Variants in EYS observed in about 807,000 individuals in gnomAD.
EYS encodes EGF-like photoreceptor maintenance factor.
EYS carries 250 observed loss-of-function variants against 282.1 expected under a neutral mutation model. The observed-to-expected ratio is 0.89, with a 90% CI of 0.80 to 0.98. The LOEUF is 0.98. Ranked by LOEUF, EYS falls within the 50% of genes least tolerant of loss-of-function variation. EYS has a pLI of 0.00. For synonymous variants in EYS, 1,355 were observed against 1,282.9 expected (o/e 1.06, Z -1.20); for missense variants, 4,016 against 3,709.0 (o/e 1.08, Z -2.15).
At chr6:64,800,180 A>T (rs2172889) in intron 22 of EYS, among the ~76,000 whole-genome samples, 81,582 of 151,800 alleles carry the variant, frequency 0.54, 22,309 homozygotes, top group Admixed American at 0.65. Flanking sequence ...TGCTAAAGAA[A>T]TAAAGTATGC....
At chr6:64,686,325 A>C (rs975789228) in intron 22 of EYS, among the ~76,000 whole-genome samples, 1 of 152,056 alleles carries the variant, frequency 6.6e-6, no homozygotes, top group African/African-American at 2.4e-5. Context: ...TATAAATAAA[A>C]ATGTTGATTT....
At chr6:65,286,945 G>A (rs1390047257) in intron 12 of EYS, among the ~76,000 whole-genome samples, 1 of 151,446 alleles carries the variant, frequency 6.6e-6, no homozygotes, top group East Asian at 1.9e-4. Context: ...ATGGGAATGT[G>A]TAAGAAAATT....
At chr6:64,170,234 TA>T (rs143645219) in intron 31 of EYS, among the ~76,000 whole-genome samples, 2,938 of 152,128 alleles carry the variant, frequency 0.019, 87 homozygotes, top group African/African-American at 0.067. Flanking sequence ...TAACAGAAAA[TA>T]AAAAAATCTT....
intron 2 of EYS, among the ~76,000 whole-genome samples, chr6:65,627,460 G>A (rs548155360): frequency 6.6e-6 from 1 of 152,278 alleles, no homozygotes; most frequent in East Asian, 1.9e-4. Context: ...CCGCTGCACT[G>A]TGGGAGCCCC....
At chr6:64,922,561 A>G (rs1768381105) in intron 15 of EYS, among the ~76,000 whole-genome samples, 2 of 152,344 alleles carry the variant, frequency 1.3e-5, no homozygotes, top group South Asian at 4.1e-4. Flanking sequence ...GACTCAGGAT[A>G]TATATTAGTT....
At chr6:64,541,089 G>T (rs1463321881) in intron 26 of EYS, among the ~76,000 whole-genome samples, 4 of 152,090 alleles carry the variant, frequency 2.6e-5, no homozygotes, top group Admixed American at 2.6e-4. Flanking sequence ...CTTGCAAATT[G>T]AAAATGCCTA....
At chr6:64,267,951 T>C (rs935369046) in intron 30 of EYS, among the ~76,000 whole-genome samples, 3 of 152,140 alleles carry the variant, frequency 2.0e-5, no homozygotes, top group Non-Finnish European at 4.4e-5. Flanking sequence ...CACCCTTTTT[T>C]TGAAATTTGG....
intron 26 of EYS, among the ~76,000 whole-genome samples, chr6:64,463,141 T>A (rs4112814): frequency 1.3e-5 from 2 of 151,494 alleles, no homozygotes; most frequent in African/African-American, 4.8e-5. Flanking sequence ...TTACTAGAGA[T>A]GGGGTTTCAC....
rs115150543 is a variant in EYS, at chr6:65,503,035, A to G, written c.-332-7042T>C. ...TAAACTATACTTAGTTTTGGAAGAA[A>G]CCATTAAACTGTTTTCCAAAGTGGT... On this transcript the variant is annotated intron_variant, in intron 2 of 42. Coordinates refer to ENST00000503581, the MANE Select transcript of EYS (RefSeq NM_001142800.2). 4.7e-3 allele frequency among the ~76,000 whole-genome samples: 715 copies of G among 151,776 alleles called. 5 individuals carry two copies. The highest frequency in any genetic ancestry group is 7.7e-3 in the Non-Finnish European group (519 of 67,664).
Position 65,408,156 on chromosome 6 carries a change from G to GA in EYS, c.863-2790dup, listed in dbSNP as rs200858496. ...GAAAAAATCGTACTTTATCAGGATA[G>GA]AAAAAAATATGTTTATATGTGATTG... On this transcript the variant is annotated intron_variant, in intron 5 of 42. Coordinates refer to ENST00000503581, the MANE Select transcript of EYS (RefSeq NM_001142800.2). 5.4e-3 allele frequency among the ~76,000 whole-genome samples: 815 copies of GA among 151,982 alleles called. 8 individuals carry two copies. Among genetic ancestry groups the GA allele is most frequent in the African/African-American group, 0.019 (776 of 41,476 alleles).
At chr6:65,588,555 T>C (rs1765130696) in intron 2 of EYS, among the ~76,000 whole-genome samples, 1 of 145,208 alleles carries the variant, frequency 6.9e-6, no homozygotes, top group Non-Finnish European at 1.5e-5. Context: ...CCTGTCCATA[T>C]CGTGCCTCTG....
At chr6:64,577,148 A>G (rs1765907830) in intron 26 of EYS, among the ~76,000 whole-genome samples, 1 of 152,092 alleles carries the variant, frequency 6.6e-6, no homozygotes, top group Admixed American at 6.6e-5. Flanking sequence ...GACCCTGCTG[A>G]TACTGTTTTT....
At chr6:64,516,051 A>C (rs1487558521) in intron 26 of EYS, among the ~76,000 whole-genome samples, 1 of 151,792 alleles carries the variant, frequency 6.6e-6, no homozygotes, top group Non-Finnish European at 1.5e-5. Flanking sequence ...AACATTCTGA[A>C]TTTATACTTT....
chr6:63,819,130 C>T (rs997423150), intron 36 of EYS, among the ~76,000 whole-genome samples: 1 of 152,188 alleles, frequency 6.6e-6, no homozygotes, highest in Non-Finnish European at 1.5e-5. Context: ...TTTTCTGCTG[C>T]ATCCTAAGCA....
intron 26 of EYS, among the ~76,000 whole-genome samples, chr6:64,471,897 A>G (rs1398394831): frequency 1.3e-5 from 2 of 152,244 alleles, no homozygotes; most frequent in Non-Finnish European, 2.9e-5. Flanking sequence ...CTAGTCTTCA[A>G]TAGCACAGTA....
At chr6:63,816,348 TAATGA>T (rs1411618990) in intron 36 of EYS, among the ~76,000 whole-genome samples, 2 of 152,138 alleles carry the variant, frequency 1.3e-5, no homozygotes, top group East Asian at 3.9e-4. Flanking sequence ...TCAGAAAACA[TAATGA>T]AATAAAGTAT....
intron 11 of EYS, among the ~76,000 whole-genome samples, chr6:65,315,566 T>C (rs1480159924): frequency 6.6e-6 from 1 of 151,174 alleles, no homozygotes; most frequent in Non-Finnish European, 1.5e-5. Flanking sequence ...ATCTGGCTTC[T>C]TTTGCTCCAT....
chr6:65,226,907 C>T (rs56189328), intron 12 of EYS, among the ~76,000 whole-genome samples: 37,913 of 151,950 alleles, frequency 0.25, 4,957 homozygotes, highest in African/African-American at 0.3. Context: ...CAAAATGTGG[C>T]ATAACAAACA....
intron 19 of EYS, among the ~76,000 whole-genome samples, chr6:64,855,240 T>C (rs978310519): frequency 5.3e-5 from 8 of 152,000 alleles, no homozygotes; most frequent in African/African-American, 1.9e-4. Context: ...TTGGTGTATG[T>C]TTTTTACCGT....
Sources: gnomAD v4.1 joint callset for allele counts (sites outside exome capture counted in the v4.1 genomes callset) on GRCh38, gnomAD v4.1.1 for gene constraint, MANE v1.5 for transcripts, NCBI Gene and HGNC (gene_info 2026-07-23, HGNC 2026-07-21) for gene names.